The following EXT1 variants were observed in gnomAD, a reference collection of about 807,000 sequenced individuals.
EXT1 encodes the protein exostosin glycosyltransferase 1, also known as exostosin-1.
In EXT1, 20 loss-of-function variants were observed where a neutral mutation model predicts 82.5. The observed-to-expected ratio is 0.24, with a 90% confidence interval of 0.17 to 0.35. EXT1 has a LOEUF of 0.35. Among genes scored for constraint, EXT1 ranks in the 10% least tolerant of loss-of-function variants. EXT1 has a pLI of 1.00. For missense variants in EXT1, 757 were observed against 936.5 expected (o/e 0.81, Z 2.50); for synonymous variants, 348 against 350.8 (o/e 0.99, Z 0.09).
intron 1 of EXT1, among the ~76,000 whole-genome samples, chr8:117,994,937 G>A (rs959368169): frequency 3.9e-5 from 6 of 152,200 alleles, no homozygotes; most frequent in Admixed American, 2.6e-4. Flanking sequence ...TTGCAACTGA[G>A]TAAATTTAGT....
rs533106097 is a variant in EXT1, at chr8:117,883,368, G to A, written c.963-46167C>T. ...AACTTCTTGTAAAACTTCTTTGGCC[G>A]CTACACTGCAATTCTTGAGATTACA... On this transcript the variant is annotated intron_variant, in intron 1 of 10. Coordinates refer to ENST00000378204, the MANE Select transcript of EXT1 (RefSeq NM_000127.3). Among the ~76,000 whole-genome samples the A allele has an allele frequency of 2.4e-4, 37 of 152,264 alleles. 1 individual carries two copies. The South Asian group carries it at 5.4e-3, about 22-fold the overall frequency.
At position 118,020,808 on chromosome 8, in the gene EXT1, T is replaced by C. The variant is rs77840092; in HGVS notation, c.962+89277A>G. Among the ~76,000 whole-genome samples, 126 of 152,304 alleles carry C rather than the reference T, an allele frequency of 8.3e-4. 1 individual carries two copies. In the East Asian group the frequency reaches 0.016, roughly 19 times the overall value. On this transcript the variant is annotated intron_variant, in intron 1 of 10. Coordinates refer to ENST00000378204, the MANE Select transcript of EXT1 (RefSeq NM_000127.3). ...TTAGCCTTCTTTGACCATAGCAACC[T>C]TGGCTATAAAACCAAGACAGTAATA... is the stretch of plus-strand genomic sequence containing the variant.
chr8:117,922,742 G>A (rs765990754), intron 1 of EXT1, among the ~76,000 whole-genome samples: 1 of 152,126 alleles, frequency 6.6e-6, no homozygotes, highest in Admixed American at 6.5e-5. Context: ...AGTGTATCTC[G>A]GCTGTCTGGA....
chr8:118,084,751 G>A (rs754134790), intron 1 of EXT1, among the ~76,000 whole-genome samples: 10 of 152,260 alleles, frequency 6.6e-5, no homozygotes, highest in Non-Finnish European at 1.0e-4. Flanking sequence ...ATCCTACTCC[G>A]CCCCTTATGC....
intron 2 of EXT1, among the ~76,000 whole-genome samples, chr8:117,836,609 C>G (rs1812192110): frequency 6.6e-6 from 1 of 152,228 alleles, no homozygotes; most frequent in African/African-American, 2.4e-5. Context: ...AGCTGAGAAA[C>G]TCCCACCACA....
intron 1 of EXT1, among the ~76,000 whole-genome samples, chr8:118,080,266 C>T (rs184653882): frequency 6.6e-6 from 1 of 152,268 alleles, no homozygotes; most frequent in East Asian, 1.9e-4. Context: ...GAACTTCGTA[C>T]CACCCTGAAA....
At chr8:117,903,877 G>A (rs1019472166) in intron 1 of EXT1, among the ~76,000 whole-genome samples, 2 of 152,192 alleles carry the variant, frequency 1.3e-5, no homozygotes, top group African/African-American at 4.8e-5. Flanking sequence ...ATGTTCTAAT[G>A]GCAGAAGCTG....
intron 1 of EXT1, among the ~76,000 whole-genome samples, chr8:117,889,717 C>T (rs1813208826): frequency 6.6e-6 from 1 of 152,128 alleles, no homozygotes; most frequent in Non-Finnish European, 1.5e-5. Context: ...CCTTTCTATC[C>T]TCAGAAAACA....
At chr8:118,011,512 C>T (rs997527218) in intron 1 of EXT1, among the ~76,000 whole-genome samples, 2 of 152,116 alleles carry the variant, frequency 1.3e-5, no homozygotes, top group Non-Finnish European at 2.9e-5. Flanking sequence ...TCTGAGTCAC[C>T]ATGCCTGGCA....
chr8:117,954,784 T>C (rs1225688601), intron 1 of EXT1, among the ~76,000 whole-genome samples: 3 of 152,208 alleles, frequency 2.0e-5, no homozygotes, highest in Non-Finnish European at 2.9e-5. Flanking sequence ...ACCAAACTTA[T>C]GGGTTTCTTC....
At chr8:117,906,223 C>A (rs1813541574) in intron 1 of EXT1, among the ~76,000 whole-genome samples, 2 of 152,186 alleles carry the variant, frequency 1.3e-5, no homozygotes, top group Non-Finnish European at 1.5e-5. Flanking sequence ...GCATCTCTCA[C>A]AAGGCAAATG....
chr8:117,831,550 GTC>G, intron 3 of EXT1: 1 of 470,760 alleles, frequency 2.1e-6, no homozygotes, highest in Non-Finnish European at 4.4e-6. Flanking sequence ...GGAGTCTATA[GTC>G]TTTAGGGAAG....
chr8:117,812,374 C>T (rs553223417), intron 8 of EXT1, among the ~76,000 whole-genome samples: 1 of 152,134 alleles, frequency 6.6e-6, no homozygotes, highest in Non-Finnish European at 1.5e-5. Flanking sequence ...GAAGTGAAAC[C>T]GTTTGCTCTT....
intron 1 of EXT1, among the ~76,000 whole-genome samples, chr8:117,923,238 T>C (rs1012137260): frequency 2.0e-5 from 3 of 152,056 alleles, no homozygotes; most frequent in African/African-American, 7.3e-5. Flanking sequence ...AGGGAATCAC[T>C]TGAACCTGGG....
Position 117,848,094 on chromosome 8 carries a change from T to G in EXT1, c.963-10893A>C, listed in dbSNP as rs141859257. The stretch of plus-strand genomic sequence containing the variant: ...GCTGATATAGCACATTCACAAAAAA[T>G]TCTAGAACACCCAACTTACTATGAA... On this transcript the variant is annotated intron_variant, in intron 1 of 10. Coordinates refer to ENST00000378204, the MANE Select transcript of EXT1 (RefSeq NM_000127.3). Among the ~76,000 whole-genome samples the G allele has an allele frequency of 3.3e-4, 51 of 152,324 alleles. 1 individual carries two copies. Among genetic ancestry groups the G allele is most frequent in the African/African-American group, 1.1e-3 (47 of 41,574 alleles).
In EXT1 at chr8:117,906,201, G is replaced by A. The variant is rs1813541294; in HGVS notation, c.963-69000C>T. ...CTTAACACTTTAACTTTGAACATGT[G>A]TTACTTTCACAGCATCTCTCACAAG... On this transcript the variant is annotated intron_variant, in intron 1 of 10. Transcript: ENST00000378204. Among the ~76,000 whole-genome samples the A allele has an allele frequency of 2.0e-5, 3 of 152,232 alleles. No homozygotes were observed. The South Asian group carries it at 6.2e-4, about 32-fold the overall frequency.
rs574175826 is a variant in EXT1 at position 117,829,301 on chromosome 8, C to A, written c.1284+929G>T. On this transcript the variant is annotated intron_variant, in intron 4 of 10. Coordinates refer to ENST00000378204, the MANE Select transcript of EXT1 (RefSeq NM_000127.3). The stretch of plus-strand genomic sequence containing the variant: ...GCTTCCTTTTTCTTTTTCCGTCCTG[C>A]CTTAAAAAAAAAGCAACTTGAGGAC... 1.8e-3 allele frequency among the ~76,000 whole-genome samples: 277 copies of A among 152,012 alleles called. 5 individuals carry two copies. The highest frequency in any genetic ancestry group is 5.1e-4 in the Non-Finnish European group (35 of 67,968).
chr8:118,076,980 T>C (rs1369281137), intron 1 of EXT1, among the ~76,000 whole-genome samples: 1 of 152,054 alleles, frequency 6.6e-6, no homozygotes, highest in Non-Finnish European at 1.5e-5. Flanking sequence ...GGGTTGAAAA[T>C]CAATCTCCAG....
At chr8:117,819,648 G>T in intron 6 of EXT1, 28 bp downstream of exon 6, 1 of 1,592,310 alleles carries the variant, frequency 6.3e-7, no homozygotes, top group Non-Finnish European at 8.6e-7. Context: ...GGAGCAGGCA[G>T]GGGCTTCTCT....
Sources: allele counts gnomAD v4.1 joint callset (sites outside exome capture counted in the v4.1 genomes callset), GRCh38; gene constraint gnomAD v4.1.1; transcripts MANE v1.5; gene names NCBI Gene and HGNC (gene_info 2026-07-23, HGNC 2026-07-21).